The following BRINP1 variants were observed in gnomAD, a reference collection of about 807,000 sequenced individuals.
BRINP1 encodes BMP/retinoic acid-inducible neural-specific protein 1.
Under a neutral mutation model 72.9 loss-of-function variants are expected in BRINP1, and 17 were observed. That is an observed-to-expected ratio of 0.23 (90% CI 0.16 to 0.35). BRINP1 has a LOEUF of 0.35. BRINP1 is among the 10% of genes least tolerant of loss of function. The pLI, the probability that BRINP1 is intolerant of heterozygous loss-of-function variation, is 1.00. For missense variants in BRINP1, 850 were observed against 1,001.6 expected (o/e 0.85, Z 2.04); for synonymous variants, 418 against 378.5 (o/e 1.10, Z -1.21).
intron 1 of BRINP1, among the ~76,000 whole-genome samples, chr9:119,326,695 A>T (rs1015032856): frequency 6.6e-6 from 1 of 152,192 alleles, no homozygotes; most frequent in Admixed American, 6.5e-5. Context: ...ATTGTAGGCC[A>T]GTTTGCTACA....
At chr9:119,243,265 G>A (rs1478192684) in intron 3 of BRINP1, among the ~76,000 whole-genome samples, 5 of 152,078 alleles carry the variant, frequency 3.3e-5, no homozygotes, top group African/African-American at 1.2e-4. Flanking sequence ...CTGTGTCCAT[G>A]TGTTCTCATC....
intron 2 of BRINP1, among the ~76,000 whole-genome samples, chr9:119,261,164 CTGAT>C (rs1830491204): frequency 6.6e-6 from 1 of 152,100 alleles, no homozygotes; most frequent in Non-Finnish European, 1.5e-5. Context: ...GTTTGCATAA[CTGAT>C]TGACAGAGAT....
At chr9:119,197,927 C>T (rs1424488886) in intron 7 of BRINP1, among the ~76,000 whole-genome samples, 1 of 152,070 alleles carries the variant, frequency 6.6e-6, no homozygotes, top group African/African-American at 2.4e-5. Context: ...TCTATAAAGA[C>T]AAGTTATTGA....
chr9:119,342,424 A>G (rs970368865), intron 1 of BRINP1, among the ~76,000 whole-genome samples: 6 of 152,230 alleles, frequency 3.9e-5, no homozygotes, highest in African/African-American at 1.4e-4. Context: ...ACAGACAAAG[A>G]AACAGAGACA....
rs1564218903 is a variant in BRINP1, at chr9:119,214,075, C to T, written c.766G>A (p.Gly256Arg). The change falls in exon 6 of 8, where the codon GGG becomes AGG. Residue 256 changes from glycine (G) to arginine (R), a missense_variant. Physicochemically the swap from Gly to Arg is moderately radical, Grantham distance 125. Coordinates refer to ENST00000265922, the MANE Select transcript of BRINP1 (RefSeq NM_014618.3). ...TGGCTGTTCTGGCACAGGTACTCCC[C>T]CTCCCCATTGCACATGATATAGCTC... ...ALSYIMCNGE[G>R]EYLCQNSQCR... 1.2e-6 allele frequency: 2 copies of T among 1,614,192 alleles called. No homozygotes were observed. The highest frequency in any genetic ancestry group is 1.6e-4 in the Middle Eastern group (1 of 6,062).
At chr9:119,322,280 G>GT (rs1023019994) in intron 1 of BRINP1, among the ~76,000 whole-genome samples, 27 of 152,154 alleles carry the variant, frequency 1.8e-4, no homozygotes, top group Non-Finnish European at 3.4e-4. Context: ...GCGACCTTCA[G>GT]TGAGTCACAG....
chr9:119,283,200 G>T lies in BRINP1; in HGVS notation c.218+29938C>A, dbSNP rs973468893. 4 of 983,450 alleles carry T rather than the reference G, an allele frequency of 4.1e-6. No individual in the cohort carries two copies. In the African/African-American group the frequency reaches 7.0e-5, roughly 17 times the overall value. The allele number at this position is 983,450 out of a possible 1,614,324, so 60.9% of individuals were successfully genotyped here. ...GAGTGTTTCTTTAGAATGAAGGGGT[G>T]GAAACAAACAGTAGTCCTCATCGTC... On this transcript the variant is annotated intron_variant, in intron 2 of 7. Coordinates refer to ENST00000265922, the MANE Select transcript of BRINP1 (RefSeq NM_014618.3).
intron 7 of BRINP1, among the ~76,000 whole-genome samples, chr9:119,194,833 A>C (rs1003472070): frequency 1.3e-5 from 2 of 152,180 alleles, no homozygotes; most frequent in Admixed American, 6.5e-5. Context: ...TCAGCCTGTG[A>C]AGCATAAAGT....
chr9:119,364,786 C>T (rs948961756), intron 1 of BRINP1, among the ~76,000 whole-genome samples: 1 of 152,148 alleles, frequency 6.6e-6, no homozygotes, highest in Non-Finnish European at 1.5e-5. Flanking sequence ...AACTAAAGAC[C>T]CTGGAACACA....
intron 3 of BRINP1, among the ~76,000 whole-genome samples, chr9:119,243,511 C>T (rs1830280744): frequency 6.6e-6 from 1 of 152,134 alleles, no homozygotes; most frequent in South Asian, 2.1e-4. Context: ...CTGCAATGAA[C>T]ATATGTGTGC....
At chr9:119,330,915 T>A (rs1831293952) in intron 1 of BRINP1, among the ~76,000 whole-genome samples, 1 of 151,958 alleles carries the variant, frequency 6.6e-6, no homozygotes, top group African/African-American at 2.4e-5. Context: ...TAGTCCCAGG[T>A]TCTTGGGAGG....
intron 3 of BRINP1, 139 bp from the exon 4 acceptor site, chr9:119,242,355 G>A (rs1377042871): frequency 2.8e-6 from 2 of 707,104 alleles, no homozygotes; most frequent in East Asian, 2.7e-5. Flanking sequence ...AAAAATCAAA[G>A]GCACAATGAA....
intron 1 of BRINP1, among the ~76,000 whole-genome samples, chr9:119,356,768 G>T (rs1011792001): frequency 6.7e-6 from 1 of 149,418 alleles, no homozygotes; most frequent in Non-Finnish European, 1.5e-5. Context: ...TCGCACCATT[G>T]CACTCCAGCC....
In BRINP1 at chr9:119,245,706, A is replaced by G. The variant is rs562015517; in HGVS notation, c.409+3254T>C. 2.0e-5 allele frequency among the ~76,000 whole-genome samples: 3 copies of G among 152,234 alleles called. No individual in the cohort carries two copies. In the East Asian group the frequency reaches 5.8e-4, roughly 29 times the overall value. The stretch of plus-strand genomic sequence containing the variant: ...CCTAAAGAGTGAAACAAACACATTT[A>G]TTTGTCTCATAGGTGACAGGTTAAG... On this transcript the variant is annotated intron_variant, in intron 3 of 7. Coordinates refer to ENST00000265922, the MANE Select transcript of BRINP1 (RefSeq NM_014618.3).
chr9:119,268,281 T>TAGATAGATAGATAGATAGATAGAC (rs1830573308), intron 2 of BRINP1, among the ~76,000 whole-genome samples: 1 of 146,462 alleles, frequency 6.8e-6, no homozygotes, highest in South Asian at 2.3e-4. Flanking sequence ...GATAGATAGA[T>TAGATAGATAGATAGATAGATAGAC]AGATAGATAG....
rs373662170 is a variant in BRINP1 at position 119,167,458 on chromosome 9, C to T, written c.1912G>A (p.Val638Met). ...LLRNETGQGPVDLSDPSKRQF... is the reference protein window; with the variant it reads ...LLRNETGQGPMDLSDPSKRQF... Reference sequence around the variant, plus strand: ...CTCTTGGAGGGATCCGACAGGTCCACGGGGCCCTGGCCAGTCTCATTTCGC... The same window carrying T: ...CTCTTGGAGGGATCCGACAGGTCCATGGGGCCCTGGCCAGTCTCATTTCGC... Residue 638 changes from valine (V) to methionine (M), a missense_variant, in exon 8 of 8, where the codon GTG (valine) becomes ATG (methionine). Coordinates refer to ENST00000265922, the MANE Select transcript of BRINP1 (RefSeq NM_014618.3). This position sits in a 1 kb window ranked among gnomAD's most constrained non-coding sequence, Gnocchi z 4.3. The T allele has an allele frequency of 1.2e-6, 2 of 1,614,036 alleles. No homozygotes were observed. The highest frequency in any genetic ancestry group is 8.5e-7 in the Non-Finnish European group (1 of 1,179,980).
At chr9:119,352,638 C>G (rs1415390496) in intron 1 of BRINP1, among the ~76,000 whole-genome samples, 1 of 152,158 alleles carries the variant, frequency 6.6e-6, no homozygotes, top group Non-Finnish European at 1.5e-5. Flanking sequence ...GAACTCCTGA[C>G]CTCAGGTGAT....
chr9:119,176,685 G>A (rs1368834851), intron 7 of BRINP1, among the ~76,000 whole-genome samples: 3 of 152,068 alleles, frequency 2.0e-5, no homozygotes, highest in Non-Finnish European at 4.4e-5. Context: ...GAGCAATTAC[G>A]GAAAAGGTAA....
At chr9:119,324,605 A>G (rs192906598) in intron 1 of BRINP1, among the ~76,000 whole-genome samples, 2 of 152,382 alleles carry the variant, frequency 1.3e-5, no homozygotes, top group Non-Finnish European at 2.9e-5. Flanking sequence ...CAAGATAATC[A>G]TGAAGACTAA....
Sources: allele counts gnomAD v4.1 joint callset (sites outside exome capture counted in the v4.1 genomes callset), GRCh38; gene constraint gnomAD v4.1.1; non-coding constraint Gnocchi (gnomAD v3.1); transcripts MANE v1.5; gene names NCBI Gene and HGNC (gene_info 2026-07-23, HGNC 2026-07-21).